The following SOX6 variants were observed in gnomAD, a reference collection of about 807,000 sequenced individuals.
The protein encoded by SOX6 is transcription factor SOX-6.
A neutral mutation model predicts 97.8 loss-of-function variants in SOX6; 11 were observed. The observed-to-expected ratio is 0.11, with a 90% CI of 0.07 to 0.19. The LOEUF (loss-of-function observed/expected upper bound fraction) is 0.19. Ranked by LOEUF, SOX6 falls within the 10% of genes least tolerant of loss-of-function variation. SOX6 has a pLI of 1.00. For missense variants in SOX6, 810 were observed against 1,039.5 expected, an observed-to-expected ratio of 0.78 and a Z score of 3.04; for synonymous variants, 360 against 371.4, an observed-to-expected ratio of 0.97 and a Z score of 0.35.
chr11:16,349,715 A>AGGAAGGAAGGAAGGAAGGAAGGAAGGAG (rs369882029), intron 1 of SOX6, among the ~76,000 whole-genome samples: 1 of 41,730 alleles, frequency 2.4e-5, no homozygotes, highest in African/African-American at 9.1e-5. Flanking sequence ...GAAGGAAGGA[A>AGGAAGGAAGGAAGGAAGGAAGGAAGGAG]GAAGGAAGGA....
chr11:16,564,239 TA>T (rs1191252156), intron 4 of SOX6, among the ~76,000 whole-genome samples: 2 of 152,218 alleles, frequency 1.3e-5, no homozygotes, highest in African/African-American at 4.8e-5. Flanking sequence ...CTGAATTTTC[TA>T]AATTATGTTT....
chr11:16,115,992 A>AT, intron 6 of SOX6, among the ~76,000 whole-genome samples: 1 of 152,290 alleles, frequency 6.6e-6, no homozygotes, highest in Non-Finnish European at 1.5e-5. Flanking sequence ...AGCAATGATC[A>AT]TTTTGTTCCA....
chr11:16,027,396 A>C (rs1328870608), intron 12 of SOX6, among the ~76,000 whole-genome samples: 1 of 152,218 alleles, frequency 6.6e-6, no homozygotes, highest in Admixed American at 6.5e-5. Context: ...CATTTCTTTC[A>C]AGTCCTGAAA....
At chr11:16,055,158 T>G (rs1348331723) in intron 10 of SOX6, among the ~76,000 whole-genome samples, 1 of 152,198 alleles carries the variant, frequency 6.6e-6, no homozygotes, top group African/African-American at 2.4e-5. Context: ...TGTTAAGACT[T>G]TTCATATTTA....
intron 1 of SOX6, among the ~76,000 whole-genome samples, chr11:16,403,584 G>C (rs1029196870): frequency 6.6e-6 from 1 of 151,610 alleles, no homozygotes; most frequent in African/African-American, 2.4e-5. Context: ...CATTTGTAGA[G>C]AGCCCTGTTA....
chr11:15,978,510 T>C (rs200671528), intron 15 of SOX6, among the ~76,000 whole-genome samples: 1 of 131,756 alleles, frequency 7.6e-6, no homozygotes, highest in African/African-American at 2.8e-5. Context: ...TTCTTCCTAA[T>C]TGGCTGCTCC....
chr11:16,261,119 G>T (rs1853878837), intron 3 of SOX6, among the ~76,000 whole-genome samples: 1 of 151,958 alleles, frequency 6.6e-6, no homozygotes, highest in African/African-American at 2.4e-5. Flanking sequence ...CATGACTTTT[G>T]TCATACTTTG....
Position 16,166,554 on chromosome 11 carries a change from A to G in SOX6, c.777+17332T>C, listed in dbSNP as rs2134077484. Among the ~76,000 whole-genome samples, 2 of 152,320 alleles carry G rather than the reference A, an allele frequency of 1.3e-5. 1 individual carries two copies. Among genetic ancestry groups the G allele is most frequent in the South Asian group, 4.1e-4 (2 of 4,826 alleles). ...TGTTGGGAATACAAAAATGAATACG[A>G]CCTCAGACTTCAGGTAGGCTATGAT... On this transcript the variant is annotated intron_variant, in intron 6 of 15. Transcript: ENST00000683767.
chr11:16,369,189 T>C (rs1399889521), intron 1 of SOX6, among the ~76,000 whole-genome samples: 1 of 152,134 alleles, frequency 6.6e-6, no homozygotes, highest in Non-Finnish European at 1.5e-5. Context: ...CCACTTCATG[T>C]CCATTAGGAT....
intron 15 of SOX6, among the ~76,000 whole-genome samples, chr11:15,975,888 T>C (rs1270732314): frequency 6.6e-6 from 1 of 152,192 alleles, no homozygotes; most frequent in East Asian, 1.9e-4. Flanking sequence ...CTCCACATAG[T>C]TCAGAGTATT....
chr11:16,108,691 A>G (rs903046161), intron 7 of SOX6, among the ~76,000 whole-genome samples: 3 of 152,192 alleles, frequency 2.0e-5, no homozygotes, highest in African/African-American at 7.2e-5. Context: ...AGAGAGAACA[A>G]TCTGAAAGAT....
intron 4 of SOX6, among the ~76,000 whole-genome samples, chr11:16,581,127 T>C (rs901226675): frequency 1.6e-4 from 25 of 152,136 alleles, no homozygotes; most frequent in African/African-American, 5.8e-4. Flanking sequence ...AATCATTCTA[T>C]TATAAAAACG....
At chr11:16,317,957 T>C (rs1195508170) in intron 3 of SOX6, 1 of 453,340 alleles carries the variant, frequency 2.2e-6, no homozygotes, top group South Asian at 1.6e-5. Context: ...AAGTCACTCA[T>C]ATACTTTCAG....
chr11:15,976,302 G>T (rs996778349), intron 15 of SOX6, among the ~76,000 whole-genome samples: 1 of 152,176 alleles, frequency 6.6e-6, no homozygotes, highest in Non-Finnish European at 1.5e-5. Flanking sequence ...AATCCCAGCT[G>T]CACCAGTTAC....
At chr11:16,408,633 A>AC (rs1858732736) in intron 1 of SOX6, 3 of 152,252 alleles carry the variant, frequency 2.0e-5, no homozygotes, top group Admixed American at 6.5e-5. Context: ...ATTTGTTTTA[A>AC]ACTATTTTTT....
rs548243224 is a variant in SOX6, at chr11:16,589,778, C to T, written n.609+22303G>A. 2.0e-4 allele frequency among the ~76,000 whole-genome samples: 31 copies of T among 152,096 alleles called. 1 individual carries two copies. The South Asian group carries it at 6.4e-3, about 32-fold the overall frequency. On this transcript the variant is annotated intron_variant and non_coding_transcript_variant, in intron 4 of 5. Coordinates refer to the SOX6 transcript ENST00000524520. ...AGCAATATGAACCCTTTACAATCAGCAAGATATTTAAATACTAAGCACATC... is the reference window on the plus strand; with the variant it reads ...AGCAATATGAACCCTTTACAATCAGTAAGATATTTAAATACTAAGCACATC...
chr11:16,666,429 C>T (rs1313353553), intron 3 of SOX6, among the ~76,000 whole-genome samples: 1 of 152,092 alleles, frequency 6.6e-6, no homozygotes. Context: ...AAATGACATA[C>T]TGAATAATGC....
At chr11:16,539,583 T>A (rs1398153419) in intron 4 of SOX6, among the ~76,000 whole-genome samples, 1 of 151,072 alleles carries the variant, frequency 6.6e-6, no homozygotes, top group Admixed American at 6.6e-5. Context: ...GCAAGACTAA[T>A]AAAGAAGAAA....
At chr11:16,585,687 T>TG (rs1848084225) in intron 4 of SOX6, among the ~76,000 whole-genome samples, 1 of 144,950 alleles carries the variant, frequency 6.9e-6, no homozygotes, top group Non-Finnish European at 1.5e-5. Context: ...TTTACTTTTT[T>TG]TTTTTTTTTT....
Sources: allele counts gnomAD v4.1 joint callset (sites outside exome capture counted in the v4.1 genomes callset), GRCh38; gene constraint gnomAD v4.1.1; transcripts MANE v1.5; gene names NCBI Gene and HGNC (gene_info 2026-07-23, HGNC 2026-07-21).